The following TSHR variants were observed in gnomAD, a reference collection of about 807,000 sequenced individuals.
TSHR encodes the protein thyroid stimulating hormone receptor.
TSHR carries 51 observed loss-of-function variants against 64.1 expected under a neutral mutation model. That is an observed-to-expected ratio of 0.80 (90% confidence interval 0.64 to 1.01). The LOEUF (loss-of-function observed/expected upper bound fraction) is 1.01, where lower values mean the gene tolerates loss of function less well. Ranked by LOEUF, TSHR falls within the 50% of genes least tolerant of loss-of-function variation. The pLI is 0.00. For missense variants in TSHR, 877 were observed against 942.8 expected (o/e 0.93, Z 0.91); for synonymous variants, 361 against 361.9 (o/e 1.00, Z 0.03).
intron 1 of TSHR, among the ~76,000 whole-genome samples, chr14:80,997,484 A>G (rs1168132475): frequency 6.6e-6 from 1 of 152,190 alleles, no homozygotes; most frequent in Non-Finnish European, 1.5e-5. Flanking sequence ...TTGGGATTAA[A>G]TGGGTTTTAT....
chr14:81,073,395 A>G (rs1887261022), intron 3 of TSHR, among the ~76,000 whole-genome samples: 1 of 152,130 alleles, frequency 6.6e-6, no homozygotes, highest in African/African-American at 2.4e-5. Context: ...CTTATAAAAA[A>G]TATTGTATCC....
intron 1 of TSHR, chr14:80,982,820 C>G: frequency 1.9e-6 from 1 of 522,160 alleles, no homozygotes; most frequent in South Asian, 3.3e-5. Context: ...CAGCCCATCC[C>G]TGAGTGTCCT....
intron 8 of TSHR, among the ~76,000 whole-genome samples, chr14:81,128,935 C>G (rs530851118): frequency 6.6e-6 from 1 of 152,244 alleles, no homozygotes; most frequent in East Asian, 1.9e-4. Context: ...ACAGTGGTAC[C>G]CCCTTTACTC....
At position 81,073,023 on chromosome 14, in the gene TSHR, T is replaced by TAA. The variant is rs1566794482; in HGVS notation, c.317+4696_317+4697insAA. 2.2e-4 allele frequency among the ~76,000 whole-genome samples: 8 copies of TAA among 36,422 alleles called. 1 individual carries two copies. The highest frequency in any genetic ancestry group is 1.2e-3 in the African/African-American group (6 of 4,914). 23.9% of individuals were successfully genotyped at this position (36,422 alleles called of 152,430 possible). ...AAAAAAAAAAAAAATAAAAAATAAATATATATATATATATATATATATATA... is the reference window on the plus strand; with the variant it reads ...AAAAAAAAAAAAAATAAAAAATAAATAAATATATATATATATATATATATATA... On this transcript the variant is annotated intron_variant, in intron 3 of 9. Coordinates refer to ENST00000298171, the MANE Select transcript of TSHR (RefSeq NM_000369.5).
At chr14:81,026,213 T>A (rs1489632893) in intron 1 of TSHR, among the ~76,000 whole-genome samples, 1 of 152,240 alleles carries the variant, frequency 6.6e-6, no homozygotes, top group Non-Finnish European at 1.5e-5. Context: ...TTTTTTCTGA[T>A]TTATCTATTG....
rs1016949233 is a variant in TSHR at position 81,103,361 on chromosome 14, A to G, written c.615-5014A>G. Reference sequence around the variant, plus strand: ...AATTTCTCCAGAAGTTTGTCCAGGTATCATTAGGTTCTCATTTAAACAATG... The same window carrying G: ...AATTTCTCCAGAAGTTTGTCCAGGTGTCATTAGGTTCTCATTTAAACAATG... On this transcript the variant is annotated intron_variant, in intron 7 of 9. Coordinates refer to ENST00000298171, the MANE Select transcript of TSHR (RefSeq NM_000369.5). The surrounding 1 kb of genome is among the most constrained non-coding windows in gnomAD (Gnocchi z 4.1). 4.1e-6 allele frequency: 4 copies of G among 985,340 alleles called. No individual in the cohort carries two copies. Among genetic ancestry groups the G allele is most frequent in the Non-Finnish European group, 4.8e-6 (4 of 829,932 alleles). The allele number at this position is 985,340 out of a possible 1,614,324, so 61.0% of individuals were successfully genotyped here. A position where few individuals can be genotyped will look rare whatever the true frequency, so the allele number is the denominator to read the frequency against.
chr14:81,024,333 C>G (rs1368120008), intron 1 of TSHR, among the ~76,000 whole-genome samples: 1 of 152,100 alleles, frequency 6.6e-6, no homozygotes. Flanking sequence ...ACTGCAACCT[C>G]CACCTTCCGG....
At chr14:81,070,978 T>C in intron 3 of TSHR, among the ~76,000 whole-genome samples, 1 of 152,172 alleles carries the variant, frequency 6.6e-6, no homozygotes. Flanking sequence ...GGTCAATATA[T>C]GGGTAAATAT....
At chr14:81,063,459 A>G (rs1886382750) in intron 2 of TSHR, among the ~76,000 whole-genome samples, 1 of 152,180 alleles carries the variant, frequency 6.6e-6, no homozygotes, top group Non-Finnish European at 1.5e-5. Context: ...CAAAACCAGC[A>G]TATCCAAAAT....
chr14:81,139,662 T>C lies in TSHR; in HGVS notation c.693-17T>C. 2 of 1,613,644 alleles carry C rather than the reference T, an allele frequency of 1.2e-6. No homozygotes were observed. On this transcript the variant is annotated splice_polypyrimidine_tract_variant and intron_variant, in intron 8 of 9. Transcript: ENST00000298171. ...TGCTCACTGCCTCTCTGCATTTTTC[T>C]GTTCTCTGCCTCCCAGGGACGTGTC...
chr14:81,044,975 T>C (rs1210746409), intron 1 of TSHR, among the ~76,000 whole-genome samples: 2 of 152,120 alleles, frequency 1.3e-5, no homozygotes, highest in Admixed American at 1.3e-4. Context: ...CTATTCACAA[T>C]AGCAAAGACG....
Position 81,008,004 on chromosome 14 carries a change from C to A in TSHR, c.170+52154C>A, listed in dbSNP as rs180942606. On this transcript the variant is annotated intron_variant, in intron 1 of 9. Transcript: ENST00000298171. ...ATCAGCCTTGGACAGATCACTGTGT[C>A]CAGACTCAATTCTGAAAACTTGTGG... Among the ~76,000 whole-genome samples, 111 of 152,226 alleles carry A rather than the reference C, an allele frequency of 7.3e-4. 1 individual carries two copies. The highest frequency in any genetic ancestry group is 2.5e-3 in the African/African-American group (103 of 41,552).
chr14:81,001,179 T>C (rs1889291593), intron 1 of TSHR: 2 of 172,952 alleles, frequency 1.2e-5, no homozygotes, highest in Non-Finnish European at 2.4e-5. Context: ...TGCCGTAAGT[T>C]TTTGTTTCTT....
Position 81,105,011 on chromosome 14 carries a change from G to T in TSHR, c.615-3364G>T, listed in dbSNP as rs550173395. On this transcript the variant is annotated intron_variant, in intron 7 of 9. Transcript: ENST00000298171. ...TGACTTTCAAAAAGTATTTCCTTTC[G>T]TCTCTTACTACAAGCCTTTTGAGTC... The T allele has an allele frequency of 7.1e-6, 7 of 985,182 alleles. 1 individual carries two copies. The African/African-American group carries it at 1.2e-4, about 17-fold the overall frequency. 61.0% of individuals were successfully genotyped at this position (985,182 alleles called of 1,614,324 possible).
At position 80,955,845 on chromosome 14, in the gene TSHR, G is replaced by C. The variant is rs1886642331; in HGVS notation, c.165G>C (p.Gln55His). Residue 55 changes from glutamine to histidine, a missense_variant, in exon 1 of 10, where the codon CAG becomes CAC. Coordinates refer to ENST00000298171, the MANE Select transcript of TSHR (RefSeq NM_000369.5). ...QRIPSLPPST[Q>H]TLKLIETHLR... is the part of the protein sequence containing the mutation. ...TCCCCAGCTTACCGCCCAGTACGCA[G>C]ACTCTGTGAGTACCCGGGAGAGATC... 1 of 1,614,204 alleles carries C rather than the reference G, an allele frequency of 6.2e-7. No individual in the cohort carries two copies.
At chr14:81,113,602 G>A (rs564826789) in intron 8 of TSHR, among the ~76,000 whole-genome samples, 1 of 152,138 alleles carries the variant, frequency 6.6e-6, no homozygotes, top group East Asian at 1.9e-4. Flanking sequence ...TAAAATGACA[G>A]TACTTCTGAG....
intron 7 of TSHR, chr14:81,104,418 G>C: frequency 1.0e-6 from 1 of 985,384 alleles, no homozygotes; most frequent in Non-Finnish European, 1.2e-6. Context: ...GAGCTGCAAT[G>C]TATCCTAAAA....
At chr14:81,075,994 A>G (rs1566796327) in intron 3 of TSHR, among the ~76,000 whole-genome samples, 1 of 152,080 alleles carries the variant, frequency 6.6e-6, no homozygotes, top group Non-Finnish European at 1.5e-5. Flanking sequence ...TGTCCTTTGT[A>G]GGGACATGGA....
chr14:81,081,423 G>T lies in TSHR; in HGVS notation c.318-6531G>T, dbSNP rs8008556. On this transcript the variant is annotated intron_variant, in intron 3 of 9. Coordinates refer to ENST00000298171, the MANE Select transcript of TSHR (RefSeq NM_000369.5). ...GCATAGAGTGAAGTATGGGGGAGGG[G>T]CGCAGAGCTTCCGCCCCCTCCCTTG... 6.6e-4 allele frequency among the ~76,000 whole-genome samples: 100 copies of T among 152,160 alleles called. 1 individual carries two copies. In the East Asian group the frequency reaches 0.018, roughly 27 times the overall value.
Sources: gnomAD v4.1 joint callset for allele counts (sites outside exome capture counted in the v4.1 genomes callset) on GRCh38, gnomAD v4.1.1 for gene constraint, Gnocchi (gnomAD v3.1) non-coding constraint, MANE v1.5 for transcripts, NCBI Gene and HGNC (gene_info 2026-07-23, HGNC 2026-07-21) for gene names.